NPFFR1: variants seen among roughly 807,000 people sequenced by gnomAD.
NPFFR1 encodes neuropeptide FF receptor 1.
A neutral mutation model predicts 12.7 loss-of-function variants in NPFFR1; 17 were observed. That is an observed-to-expected ratio of 1.34 (90% CI 0.92 to 2.01). NPFFR1 has a LOEUF of 2.01. Ranked by LOEUF, NPFFR1 falls within the 30% of genes most tolerant of loss-of-function variation. NPFFR1 has a pLI of 0.00. For missense variants in NPFFR1, 604 were observed against 606.5 expected (o/e 1.00, Z 0.04); for synonymous variants, 296 against 264.5 (o/e 1.12, Z -1.16).
chr10:70,258,675 C>T (rs984240701), intron 3 of NPFFR1, among the ~76,000 whole-genome samples: 2 of 152,120 alleles, frequency 1.3e-5, no homozygotes, highest in Non-Finnish European at 2.9e-5. Context: ...GCTCCTATTC[C>T]CCAGAATGGC....
chr10:70,277,908 C>G, intron 1 of NPFFR1: 1 of 516,086 alleles, frequency 1.9e-6, no homozygotes, highest in Admixed American at 2.0e-5. Context: ...GCTTGGCAGA[C>G]TGCAGTGTCT....
intron 2 of NPFFR1, 31 bp from the exon 3 acceptor site, chr10:70,260,770 A>T (rs779249049): frequency 6.5e-7 from 1 of 1,545,952 alleles, no homozygotes; most frequent in Non-Finnish European, 8.8e-7. Flanking sequence ...ACAGAGTGAG[A>T]GATGCCCACG....
rs148008007 is a variant in NPFFR1, at chr10:70,254,687, C to T, written c.*270G>A. ...CATCTGTAGAAGGAAGAGAAGACAA[C>T]CTATCTCCAAAGCGTTGTGACAATT... On this transcript the variant is annotated 3_prime_UTR_variant, in exon 4 of 4. Coordinates refer to ENST00000277942, the MANE Select transcript of NPFFR1 (RefSeq NM_022146.5). The T allele has an allele frequency of 2.6e-6, 1 of 383,530 alleles. No homozygotes were observed. Among genetic ancestry groups the T allele is most frequent in the African/African-American group, 2.1e-5 (1 of 48,348 alleles). The allele number at this position is 383,530 out of a possible 1,614,324, so 23.8% of individuals were successfully genotyped here.
chr10:70,266,382 G>A lies in NPFFR1; in HGVS notation c.17C>T (p.Ser6Phe). 1 of 1,612,302 alleles carries A rather than the reference G, an allele frequency of 6.2e-7. No homozygotes were observed. The highest frequency in any genetic ancestry group is 8.5e-7 in the Non-Finnish European group (1 of 1,179,012). Residue 6 changes from serine to phenylalanine, a missense_variant, in exon 2 of 4, where the codon TCC becomes TTC. Coordinates refer to ENST00000277942, the MANE Select transcript of NPFFR1 (RefSeq NM_022146.5). ...GGGCCAACTGCTGTTGGGAGGCTGG[G>A]AGGGCTCCCCTAGGACCAAAGGAAT... is the stretch of plus-strand genomic sequence containing the variant. MEGEP[S>F]QPPNSSWPLS...
At chr10:70,280,204 C>T (rs2136812166) in intron 1 of NPFFR1, among the ~76,000 whole-genome samples, 1 of 152,326 alleles carries the variant, frequency 6.6e-6, no homozygotes, top group African/African-American at 2.4e-5. Context: ...GCAAACATCT[C>T]TTCAAGTAAC....
chr10:70,254,922 G>A lies in NPFFR1; in HGVS notation c.*35C>T, dbSNP rs1840544819. The A allele has an allele frequency of 1.4e-6, 2 of 1,389,496 alleles. No individual in the cohort carries two copies. The highest frequency in any genetic ancestry group is 1.5e-5 in the African/African-American group (1 of 65,576). The allele number at this position is 1,389,496 out of a possible 1,614,324, so 86.1% of individuals were successfully genotyped here. A position where few individuals can be genotyped will look rare whatever the true frequency, so the allele number is the denominator to read the frequency against. On this transcript the variant is annotated 3_prime_UTR_variant, in exon 4 of 4. Transcript: ENST00000277942. The stretch of plus-strand genomic sequence containing the variant: ...TGCATGTATCTCGTGTCCAATCGGG[G>A]CCCTGAGGCAGCGTCCCGCCCTCCC...
chr10:70,266,896 G>A (rs1165853019), intron 1 of NPFFR1, among the ~76,000 whole-genome samples: 3 of 152,174 alleles, frequency 2.0e-5, no homozygotes, highest in Non-Finnish European at 4.4e-5. Context: ...CTCCTATTGG[G>A]TGAGTCCCCT....
At chr10:70,256,250 T>C (rs780901400) in intron 3 of NPFFR1, among the ~76,000 whole-genome samples, 60 of 152,202 alleles carry the variant, frequency 3.9e-4, no homozygotes, top group Non-Finnish European at 1.6e-4. Context: ...CCGGCTAATT[T>C]CTTTCAATTT....
At chr10:70,282,173 A>G (rs1327011448) in intron 1 of NPFFR1, among the ~76,000 whole-genome samples, 1 of 152,132 alleles carries the variant, frequency 6.6e-6, no homozygotes, top group Non-Finnish European at 1.5e-5. Context: ...CATTGTAGGT[A>G]ACTTGATGTC....
intron 2 of NPFFR1, among the ~76,000 whole-genome samples, chr10:70,261,518 C>T (rs2136795624): frequency 6.6e-6 from 1 of 152,146 alleles, no homozygotes; most frequent in South Asian, 2.1e-4. Context: ...AGTTCAAACC[C>T]ATGTTGTTCA....
intron 1 of NPFFR1, among the ~76,000 whole-genome samples, chr10:70,274,352 G>A (rs1840779486): frequency 6.6e-6 from 1 of 152,212 alleles, no homozygotes; most frequent in Non-Finnish European, 1.5e-5. Flanking sequence ...GGGAGGCTGA[G>A]GCAGGAGAAT....
chr10:70,254,663 A>G lies in NPFFR1; in HGVS notation c.*294T>C. On this transcript the variant is annotated 3_prime_UTR_variant, in exon 4 of 4. Transcript: ENST00000277942. ...CATCTCTCCAGGCCTCAGTTTTTGC[A>G]TCTGTAGAAGGAAGAGAAGACAACC... 2.9e-6 allele frequency: 1 copy of G among 341,578 alleles called. No homozygotes were observed. The highest frequency in any genetic ancestry group is 5.3e-6 in the Non-Finnish European group (1 of 190,416). 21.2% of individuals were successfully genotyped at this position (341,578 alleles called of 1,614,324 possible).
In NPFFR1 at chr10:70,272,202, A is replaced by AG. The variant is rs1287214540; in HGVS notation, c.8-5812dup. 4.3e-3 allele frequency among the ~76,000 whole-genome samples: 534 copies of AG among 124,766 alleles called. 6 individuals are homozygous for AG. The highest frequency in any genetic ancestry group is 0.016 in the African/African-American group (504 of 32,290). The allele number at this position is 124,766 out of a possible 152,430, so 81.9% of individuals were successfully genotyped here. A position where few individuals can be genotyped will look rare whatever the true frequency, so the allele number is the denominator to read the frequency against. On this transcript the variant is annotated intron_variant, in intron 1 of 3. Transcript: ENST00000277942. The stretch of plus-strand genomic sequence containing the variant: ...AGGGAGGGAGGGAGGAAAGAAAGAA[A>AG]GAAAGAAAGGAAAGAAAGAAAGAAA...
At chr10:70,279,645 G>A (rs537642459) in intron 1 of NPFFR1, among the ~76,000 whole-genome samples, 1 of 152,068 alleles carries the variant, frequency 6.6e-6, no homozygotes, top group South Asian at 2.1e-4. Flanking sequence ...TTTTTTAATA[G>A]AGATGGGGTT....
At chr10:70,278,786 C>T (rs1840830885) in intron 1 of NPFFR1, among the ~76,000 whole-genome samples, 2 of 152,144 alleles carry the variant, frequency 1.3e-5, no homozygotes, top group African/African-American at 4.8e-5. Flanking sequence ...TTGATTTGTT[C>T]TTTTGTTTGT....
rs1163309540 is a variant in NPFFR1 at position 70,248,518 on chromosome 10, C to G, written c.*6439G>C. 1 of 112,074 alleles carries G rather than the reference C, an allele frequency of 8.9e-6. No individual in the cohort carries two copies. Among genetic ancestry groups the G allele is most frequent in the Admixed American group, 1.1e-4 (1 of 8,948 alleles). The allele number at this position is 112,074 out of a possible 1,614,324, so 6.9% of individuals were successfully genotyped here. A position where few individuals can be genotyped will look rare whatever the true frequency, so the allele number is the denominator to read the frequency against. Reference sequence around the variant, plus strand: ...TTTTTTTTTTTGAGATGGAGTCTCACTCTGTTGCCCAGGATAGAGTACAGT... The same window carrying G: ...TTTTTTTTTTTGAGATGGAGTCTCAGTCTGTTGCCCAGGATAGAGTACAGT... On this transcript the variant is annotated 3_prime_UTR_variant, in exon 4 of 4. Transcript: ENST00000277942.
chr10:70,255,647 G>A lies in NPFFR1; in HGVS notation c.603C>T (p.Tyr201=), dbSNP rs747905216. 1.3e-6 allele frequency: 2 copies of A among 1,592,788 alleles called. No individual in the cohort carries two copies. Among genetic ancestry groups the A allele is most frequent in the Non-Finnish European group, 1.7e-6 (2 of 1,169,896 alleles). ...TCTCGGGCCAGGCCTCCCAGCAGGA[G>A]TAGAGCGGGTAGGAGCGGTTGCGGG... ...VDARNRSYPL[Y]SCWEAWPEKG... Residue 201 remains tyrosine (Y), a synonymous_variant, in exon 4 of 4, where the codon TAC becomes TAT. Coordinates refer to ENST00000277942, the MANE Select transcript of NPFFR1 (RefSeq NM_022146.5). The surrounding 1 kb of genome is among the most constrained non-coding windows in gnomAD (Gnocchi z 4.2).
Position 70,266,131 on chromosome 10 carries a change from G to T in NPFFR1, c.268C>A (p.Leu90Met). The change falls in exon 2 of 4, where the codon CTG (leucine) becomes ATG (methionine). Residue 90 changes from leucine (L) to methionine (M), a missense_variant. Transcript: ENST00000277942. ...GGCATGCAGAAGATGCCCACCAGCAGGTCACTGACAGCCAGGTTGAGGATG... is the reference window on the plus strand; with the variant it reads ...GGCATGCAGAAGATGCCCACCAGCATGTCACTGACAGCCAGGTTGAGGATG... ...MFILNLAVSD[L>M]LVGIFCMPTT... 6.2e-7 allele frequency: 1 copy of T among 1,614,048 alleles called. No homozygotes were observed.
chr10:70,264,754 A>G (rs1537557), intron 2 of NPFFR1, among the ~76,000 whole-genome samples: 151,610 of 152,354 alleles, frequency 1, 75,438 homozygotes, highest in East Asian at 1. Flanking sequence ...AGGAGGGAGA[A>G]GAGCTGGGAG....
Sources: allele counts gnomAD v4.1 joint callset (sites outside exome capture counted in the v4.1 genomes callset), GRCh38; gene constraint gnomAD v4.1.1; non-coding constraint Gnocchi (gnomAD v3.1); transcripts MANE v1.5; gene names NCBI Gene and HGNC (gene_info 2026-07-23, HGNC 2026-07-21).